Variants in DST observed in about 807,000 individuals in gnomAD.
The protein encoded by DST is dystonin.
A neutral mutation model predicts 875.2 loss-of-function variants in DST; 253 were observed. The observed-to-expected ratio is 0.29, with a 90% CI of 0.26 to 0.32. The LOEUF is 0.32. DST is among the 10% of genes least tolerant of loss of function. The pLI is 1.00. For missense variants in DST, 8,287 were observed against 9,111.6 expected, an observed-to-expected ratio of 0.91 and a Z score of 3.68; for synonymous variants, 3,124 against 3,197.1, an observed-to-expected ratio of 0.98 and a Z score of 0.77.
intron 4 of DST, among the ~76,000 whole-genome samples, chr6:56,744,544 A>T (rs921123485): frequency 1.3e-5 from 2 of 152,198 alleles, no homozygotes; most frequent in Non-Finnish European, 2.9e-5. Context: ...GGTATTATAG[A>T]CGAAAGAAGG....
At chr6:56,645,079 T>C (rs528319333) in intron 15 of DST, among the ~76,000 whole-genome samples, 30 of 152,368 alleles carry the variant, frequency 2.0e-4, no homozygotes, top group African/African-American at 6.3e-4. Context: ...TCTCCAGTCA[T>C]ATGTAACTGT....
intron 30 of DST, 118 bp from the exon 31 acceptor site, chr6:56,630,501 T>C (rs1363410714): frequency 2.7e-5 from 24 of 900,836 alleles, no homozygotes; most frequent in Non-Finnish European, 2.6e-5. Context: ...GGAACACTGA[T>C]ACATTTACTA....
At chr6:56,586,035 T>C (rs1033427774) in intron 49 of DST, among the ~76,000 whole-genome samples, 12 of 151,238 alleles carry the variant, frequency 7.9e-5, no homozygotes, top group Non-Finnish European at 1.5e-4. Flanking sequence ...AGTTTTGGAA[T>C]AGGTGTGGTG....
Position 56,517,168 on chromosome 6 carries a change from C to T in DST, c.18357+30G>A, listed in dbSNP as rs200126758. Reference sequence around the variant, plus strand: ...CAACACCTGCTGTTTTTTCAAGAGTCCCACTACCAGTCCACAGACAAGATT... The same window carrying T: ...CAACACCTGCTGTTTTTTCAAGAGTTCCACTACCAGTCCACAGACAAGATT... On this transcript the variant is annotated intron_variant, in intron 71 of 103. Coordinates refer to ENST00000680361, the MANE Select transcript of DST (RefSeq NM_001374736.1). 34 of 1,507,080 alleles carry T rather than the reference C, an allele frequency of 2.3e-5. No individual in the cohort carries two copies. In the African/African-American group the frequency reaches 3.6e-4, roughly 16 times the overall value. The allele number at this position is 1,507,080 out of a possible 1,614,324, so 93.4% of individuals were successfully genotyped here.
At chr6:56,865,371 G>A (rs1366349029) in intron 3 of DST, among the ~76,000 whole-genome samples, 2 of 151,984 alleles carry the variant, frequency 1.3e-5, no homozygotes, top group East Asian at 3.9e-4. Flanking sequence ...GAAGTGTGGT[G>A]GTAAAATCAC....
intron 10 of DST, among the ~76,000 whole-genome samples, chr6:56,661,882 C>A (rs1255867263): frequency 6.6e-6 from 1 of 152,120 alleles, no homozygotes; most frequent in Non-Finnish European, 1.5e-5. Flanking sequence ...GTCACCGCGC[C>A]CGGCCGACCC....
At chr6:56,871,706 G>T in intron 3 of DST, 2 of 529,476 alleles carry the variant, frequency 3.8e-6, no homozygotes, top group Non-Finnish European at 3.5e-6. Flanking sequence ...AGATATCCCA[G>T]AAGAAACTGA....
chr6:56,462,528 C>T (rs975822804), intron 102 of DST, among the ~76,000 whole-genome samples: 1 of 152,110 alleles, frequency 6.6e-6, no homozygotes, highest in African/African-American at 2.4e-5. Context: ...TCACACCTGC[C>T]CAAAGTTTTG....
At chr6:56,610,156 C>T (rs896999830) in intron 39 of DST, among the ~76,000 whole-genome samples, 1 of 152,064 alleles carries the variant, frequency 6.6e-6, no homozygotes, top group Admixed American at 6.6e-5. Flanking sequence ...AGAAGAATGG[C>T]TTTTAAAGAG....
chr6:56,838,291 G>T (rs990098343), intron 4 of DST, among the ~76,000 whole-genome samples: 6 of 152,154 alleles, frequency 3.9e-5, no homozygotes, highest in African/African-American at 1.4e-4. Flanking sequence ...ATTCCATCTT[G>T]TTATCACCTC....
chr6:56,731,835 C>G (rs1173920305), intron 5 of DST, among the ~76,000 whole-genome samples: 2 of 152,118 alleles, frequency 1.3e-5, no homozygotes, highest in Non-Finnish European at 2.9e-5. Flanking sequence ...CCTTTTTATA[C>G]ATAAGTTGCA....
At chr6:56,675,904 T>C (rs1445108753) in intron 9 of DST, among the ~76,000 whole-genome samples, 2 of 151,948 alleles carry the variant, frequency 1.3e-5, no homozygotes, top group South Asian at 2.1e-4. Context: ...AAGGATATCA[T>C]AATAGACATT....
chr6:56,801,776 G>A lies in DST; in HGVS notation c.625+49621C>T, dbSNP rs550978232. Among the ~76,000 whole-genome samples the A allele has an allele frequency of 2.8e-5, 4 of 144,248 alleles. 1 individual carries two copies. In the South Asian group the frequency reaches 8.7e-4, roughly 32 times the overall value. 94.6% of individuals were successfully genotyped at this position (144,248 alleles called of 152,430 possible). ...TTTTTTTTTTTTTTTTTGAGATGGA[G>A]TCTTGCTCTGTCACCCAGGCCGGAG... On this transcript the variant is annotated intron_variant, in intron 4 of 103. Transcript: ENST00000680361.
chr6:56,553,408 T>C lies in DST; in HGVS notation c.15384A>G (p.Thr5128=). 9.4e-6 allele frequency: 15 copies of C among 1,601,466 alleles called. No homozygotes were observed. Among genetic ancestry groups the C allele is most frequent in the Non-Finnish European group, 1.3e-5 (15 of 1,175,402 alleles). The change falls in exon 61 of 104, where the codon ACA becomes ACG. Residue 5128 remains threonine (T), a synonymous_variant. Coordinates refer to ENST00000680361, the MANE Select transcript of DST (RefSeq NM_001374736.1). ...IAEGENLLLK[T]QGSEKAALQL... is the part of the protein sequence containing the mutation. The stretch of plus-strand genomic sequence containing the variant: ...GTAAGGCTGCCTTCTCAGACCCTTG[T>C]GTTTTTAATAACAGATTTTCACCTT...
chr6:56,592,048 T>A, intron 49 of DST, 134 bp downstream of exon 49: 1 of 675,126 alleles, frequency 1.5e-6, no homozygotes, highest in Non-Finnish European at 2.5e-6. Flanking sequence ...GAGTCAAAAC[T>A]ACCTCTGGAG....
chr6:56,655,361 G>C (rs1411411754), intron 10 of DST, among the ~76,000 whole-genome samples: 2 of 152,098 alleles, frequency 1.3e-5, no homozygotes, highest in African/African-American at 4.8e-5. Context: ...GCTAAGAGAA[G>C]AGTGCTTTAG....
intron 9 of DST, among the ~76,000 whole-genome samples, 185 bp downstream of exon 9, chr6:56,699,468 C>T (rs1255633283): frequency 6.6e-6 from 1 of 152,170 alleles, no homozygotes; most frequent in Non-Finnish European, 1.5e-5. Context: ...TTATCAAGAA[C>T]AGGAAACTAG....
intron 32 of DST, among the ~76,000 whole-genome samples, chr6:56,628,753 C>A (rs930322219): frequency 2.6e-5 from 4 of 152,152 alleles, no homozygotes; most frequent in African/African-American, 9.6e-5. Context: ...TGAGAAAGGA[C>A]ACGAATTCAT....
chr6:56,940,225 CA>C (rs1815706429), intron 2 of DST, among the ~76,000 whole-genome samples: 3 of 149,422 alleles, frequency 2.0e-5, no homozygotes, highest in Non-Finnish European at 4.4e-5. Flanking sequence ...CACACACACA[CA>C]CACACACACA....
Sources: allele counts gnomAD v4.1 joint callset (sites outside exome capture counted in the v4.1 genomes callset), GRCh38; gene constraint gnomAD v4.1.1; transcripts MANE v1.5; gene names NCBI Gene and HGNC (gene_info 2026-07-23, HGNC 2026-07-21).